The following AHCYL2 variants were observed in gnomAD, a reference collection of about 807,000 sequenced individuals.
AHCYL2 encodes the protein S-adenosylhomocysteine hydrolase-like protein 2.
AHCYL2 carries 28 observed loss-of-function variants against 81.4 expected under a neutral mutation model. That is an observed-to-expected ratio of 0.34 (90% CI 0.25 to 0.47). The LOEUF (loss-of-function observed/expected upper bound fraction) is 0.47. AHCYL2 is among the 20% of genes least tolerant of loss of function. The probability of loss-of-function intolerance (pLI) is 1.00; values close to 1 mark genes in which losing one functional copy is unlikely to be tolerated. For synonymous variants in AHCYL2, 272 were observed against 290.2 expected (o/e 0.94, Z 0.64); for missense variants, 551 against 785.1 (o/e 0.70, Z 3.56).
rs192216065 is a variant in AHCYL2 at position 129,372,898 on chromosome 7, C to T, written c.364-6740C>T. On this transcript the variant is annotated intron_variant, in intron 1 of 16. Coordinates refer to ENST00000325006, the MANE Select transcript of AHCYL2 (RefSeq NM_015328.4). Reference sequence around the variant, plus strand: ...TAACCTTTACTTTTCTGCCTGTGAACGTGCCTCCATGGTTATAGCCATGAT... The same window carrying T: ...TAACCTTTACTTTTCTGCCTGTGAATGTGCCTCCATGGTTATAGCCATGAT... 1.0e-3 allele frequency among the ~76,000 whole-genome samples: 154 copies of T among 152,242 alleles called. 2 individuals carry two copies. The Middle Eastern group carries it at 0.014, about 13-fold the overall frequency.
Position 129,410,516 on chromosome 7 carries a change from C to T in AHCYL2, c.1366+970C>T, listed in dbSNP as rs1584898115. ...CAGCTACAGAGTTAAAAGGTACAGT[C>T]ATAATCTCTTTTCAAGCCGACCTAG... is the stretch of plus-strand genomic sequence containing the variant. On this transcript the variant is annotated intron_variant, in intron 11 of 16. Transcript: ENST00000325006. 3 of 887,088 alleles carry T rather than the reference C, an allele frequency of 3.4e-6. No homozygotes were observed. The East Asian group carries it at 7.8e-5, about 23-fold the overall frequency. The allele number at this position is 887,088 out of a possible 1,614,324, so 55.0% of individuals were successfully genotyped here.
chr7:129,295,543 G>A (rs1424300788), intron 1 of AHCYL2, among the ~76,000 whole-genome samples: 1 of 152,120 alleles, frequency 6.6e-6, no homozygotes, highest in Non-Finnish European at 1.5e-5. Context: ...GTCATTATTT[G>A]GTATTTCTCC....
At chr7:129,337,719 C>A (rs1347955608) in intron 1 of AHCYL2, among the ~76,000 whole-genome samples, 2 of 151,372 alleles carry the variant, frequency 1.3e-5, no homozygotes, top group East Asian at 3.9e-4. Context: ...TTAAGTCAGT[C>A]TTCTATAAGG....
intron 1 of AHCYL2, among the ~76,000 whole-genome samples, chr7:129,251,186 GT>G (rs529907954): frequency 4.6e-5 from 7 of 152,118 alleles, no homozygotes; most frequent in Non-Finnish European, 1.0e-4. Flanking sequence ...GGACAGTGAG[GT>G]TTATATACCT....
At chr7:129,237,886 T>A (rs551710181) in intron 1 of AHCYL2, among the ~76,000 whole-genome samples, 14 of 151,990 alleles carry the variant, frequency 9.2e-5, no homozygotes, top group Middle Eastern at 3.4e-3. Context: ...CCCAGCTAAT[T>A]TTTTTTGTAG....
chr7:129,299,284 A>T (rs2150759669), intron 1 of AHCYL2, among the ~76,000 whole-genome samples: 1 of 149,804 alleles, frequency 6.7e-6, no homozygotes, highest in African/African-American at 2.4e-5. Context: ...CTCTACCAAA[A>T]AAAAAAAAAC....
chr7:129,231,504 A>G (rs1403573654), intron 1 of AHCYL2, among the ~76,000 whole-genome samples: 1 of 152,200 alleles, frequency 6.6e-6, no homozygotes, highest in Non-Finnish European at 1.5e-5. Context: ...AAGAATATGC[A>G]GTTTGTTTCA....
intron 1 of AHCYL2, among the ~76,000 whole-genome samples, chr7:129,370,508 C>A (rs1225474313): frequency 2.0e-5 from 3 of 152,074 alleles, no homozygotes; most frequent in East Asian, 3.8e-4. Context: ...ATCATCCTGG[C>A]TAACACAGTG....
intron 1 of AHCYL2, among the ~76,000 whole-genome samples, chr7:129,249,868 T>C (rs935747570): frequency 6.6e-6 from 1 of 152,234 alleles, no homozygotes; most frequent in Non-Finnish European, 1.5e-5. Context: ...GTTTTCAAGG[T>C]CCCTTCATAT....
intron 1 of AHCYL2, among the ~76,000 whole-genome samples, chr7:129,332,139 A>G (rs531821693): frequency 5.1e-4 from 77 of 152,302 alleles, no homozygotes; most frequent in African/African-American, 1.6e-3. Context: ...TTGAAGAAGG[A>G]TTTATTCTAA....
At chr7:129,331,675 C>T (rs1311622604) in intron 1 of AHCYL2, among the ~76,000 whole-genome samples, 1 of 149,210 alleles carries the variant, frequency 6.7e-6, no homozygotes, top group East Asian at 2.7e-4. Flanking sequence ...AACCCCGTCT[C>T]TACTAAAAAT....
In AHCYL2 at chr7:129,426,305, GAGCGA is replaced by G. The variant is rs1237133311; in HGVS notation, c.1709-135_1709-131del. On this transcript the variant is annotated intron_variant, in intron 15 of 16. Transcript: ENST00000325006. The surrounding 1 kb of genome is among the most constrained non-coding windows in gnomAD (Gnocchi z 4.3). ...CTATTCCTTAGAATTGAGGACCAGT[GAGCGA>G]AGGTTGAACATTTTTCATTCAGCTC... 8 of 1,297,360 alleles carry G rather than the reference GAGCGA, an allele frequency of 6.2e-6. No individual in the cohort carries two copies. Among genetic ancestry groups the G allele is most frequent in the Non-Finnish European group, 7.7e-6 (7 of 906,408 alleles). 80.4% of individuals were successfully genotyped at this position (1,297,360 alleles called of 1,614,324 possible).
intron 1 of AHCYL2, among the ~76,000 whole-genome samples, chr7:129,257,051 C>T (rs1258008993): frequency 6.6e-6 from 1 of 152,126 alleles, no homozygotes; most frequent in African/African-American, 2.4e-5. Flanking sequence ...GAGGCATAGA[C>T]TGAAAACACC....
rs767259784 is a variant in AHCYL2, at chr7:129,342,556, T to C, written c.364-37082T>C. ...GTTAGAGAATGCGGCTATGTAGCTT[T>C]GTACCTTGAGGGACTTAACAAGGGT... On this transcript the variant is annotated intron_variant, in intron 1 of 16. Coordinates refer to ENST00000325006, the MANE Select transcript of AHCYL2 (RefSeq NM_015328.4). Among the ~76,000 whole-genome samples, 8 of 152,300 alleles carry C rather than the reference T, an allele frequency of 5.3e-5. No homozygotes were observed. In the East Asian group the frequency reaches 1.5e-3, roughly 29 times the overall value.
At chr7:129,314,941 A>C (rs1797780705) in intron 1 of AHCYL2, among the ~76,000 whole-genome samples, 1 of 152,096 alleles carries the variant, frequency 6.6e-6, no homozygotes, top group South Asian at 2.1e-4. Context: ...GTTTTCTCTG[A>C]GCCTCAGTTT....
chr7:129,414,509 C>T (rs981304550), intron 12 of AHCYL2, among the ~76,000 whole-genome samples: 2 of 149,636 alleles, frequency 1.3e-5, no homozygotes, highest in Non-Finnish European at 3.0e-5. Context: ...CAACCTCTGC[C>T]TCCTGGGTTC....
chr7:129,225,655 G>T (rs1049813161), intron 1 of AHCYL2, among the ~76,000 whole-genome samples: 1 of 152,152 alleles, frequency 6.6e-6, no homozygotes, highest in African/African-American at 2.4e-5. Context: ...ACTTCGCTCT[G>T]AATAACATGG....
intron 1 of AHCYL2, among the ~76,000 whole-genome samples, chr7:129,374,043 G>A (rs1043280580): frequency 6.6e-6 from 1 of 152,152 alleles, no homozygotes; most frequent in Non-Finnish European, 1.5e-5. Context: ...ATTGTGACTT[G>A]ATCAGGGCCC....
chr7:129,291,637 G>C (rs2566889), intron 1 of AHCYL2, among the ~76,000 whole-genome samples: 150,087 of 150,092 alleles, frequency 1, 75,041 homozygotes, highest in Middle Eastern at 1. Context: ...GGGTCTTGCT[G>C]TGTCACCCAG....
Sources: allele counts gnomAD v4.1 joint callset (sites outside exome capture counted in the v4.1 genomes callset), GRCh38; gene constraint gnomAD v4.1.1; non-coding constraint Gnocchi (gnomAD v3.1); transcripts MANE v1.5; gene names NCBI Gene and HGNC (gene_info 2026-07-23, HGNC 2026-07-21).